KALRN: variants seen among roughly 807,000 people sequenced by gnomAD.
KALRN encodes kalirin RhoGEF kinase.
KALRN carries 70 observed loss-of-function variants against 353.7 expected under a neutral mutation model. That is an observed-to-expected ratio of 0.20 (90% confidence interval 0.16 to 0.24). The LOEUF (loss-of-function observed/expected upper bound fraction) is 0.24, where lower values mean the gene tolerates loss of function less well. Ranked by LOEUF, KALRN falls within the 10% of genes least tolerant of loss-of-function variation. The pLI, the probability that KALRN is intolerant of heterozygous loss-of-function variation, is 1.00. For synonymous variants in KALRN, 1,391 were observed against 1,434.8 expected (o/e 0.97, Z 0.69); for missense variants, 2,791 against 3,756.7 (o/e 0.74, Z 6.72).
chr3:124,489,261 C>T (rs867284276), intron 29 of KALRN, among the ~76,000 whole-genome samples: 1 of 152,004 alleles, frequency 6.6e-6, no homozygotes, highest in East Asian at 1.9e-4. Flanking sequence ...GAGCTGAGAT[C>T]GCACCACTGC....
At chr3:124,183,240 G>A (rs2150226611) in intron 1 of KALRN, among the ~76,000 whole-genome samples, 1 of 152,260 alleles carries the variant, frequency 6.6e-6, no homozygotes, top group South Asian at 2.1e-4. Flanking sequence ...ATAATTGCTG[G>A]TTAATTTATA....
chr3:124,158,987 A>G (rs2069459893), intron 1 of KALRN, among the ~76,000 whole-genome samples: 2 of 152,168 alleles, frequency 1.3e-5, no homozygotes, highest in Non-Finnish European at 2.9e-5. Flanking sequence ...TCAGGGCCCT[A>G]TAGGATCAGG....
chr3:124,605,882 C>T (rs772305594), intron 34 of KALRN, among the ~76,000 whole-genome samples: 2 of 152,152 alleles, frequency 1.3e-5, no homozygotes, highest in Admixed American at 1.3e-4. Flanking sequence ...ATCACCACCC[C>T]TTCCATTACA....
At chr3:124,166,222 T>C (rs2070827073) in intron 1 of KALRN, among the ~76,000 whole-genome samples, 1 of 152,206 alleles carries the variant, frequency 6.6e-6, no homozygotes, top group Admixed American at 6.5e-5. Context: ...TGTTGTTTTG[T>C]ACACATGATT....
Position 124,377,238 on chromosome 3 carries a change from T to C in KALRN, c.1771-7607T>C, listed in dbSNP as rs76702806. Among the ~76,000 whole-genome samples the C allele has an allele frequency of 2.5e-4, 38 of 152,336 alleles. No homozygotes were observed. In the East Asian group the frequency reaches 6.4e-3, roughly 25 times the overall value. On this transcript the variant is annotated intron_variant, in intron 10 of 59. Coordinates refer to ENST00000682506, the MANE Select transcript of KALRN (RefSeq NM_001388419.1). ...TCCCAATGCTTACAGATAATGTCGA[T>C]AAAGAACCTAACACAATGCATAGCA...
intron 1 of KALRN, among the ~76,000 whole-genome samples, chr3:124,098,482 C>T (rs1163042650): frequency 6.6e-6 from 1 of 152,212 alleles, no homozygotes; most frequent in Non-Finnish European, 1.5e-5. Flanking sequence ...ATGTCTCCAG[C>T]CTCCCTGGCC....
At chr3:124,236,197 C>G (rs1025209028) in intron 3 of KALRN, among the ~76,000 whole-genome samples, 1 of 151,524 alleles carries the variant, frequency 6.6e-6, no homozygotes, top group Non-Finnish European at 1.5e-5. Flanking sequence ...CATAAAAGGT[C>G]TTAAGCTTCA....
chr3:124,095,113 G>C (rs1287460910), intron 1 of KALRN, among the ~76,000 whole-genome samples: 1 of 152,158 alleles, frequency 6.6e-6, no homozygotes, highest in East Asian at 1.9e-4. Flanking sequence ...GGAATCGGGA[G>C]CACAGGGTCA....
chr3:124,343,454 C>A (rs2081976967), intron 9 of KALRN, among the ~76,000 whole-genome samples: 1 of 152,188 alleles, frequency 6.6e-6, no homozygotes, highest in African/African-American at 2.4e-5. Context: ...GCCACTGCAC[C>A]TAGTCAGTCA....
At position 124,490,732 on chromosome 3, in the gene KALRN, C is replaced by A. The variant is rs752921197; in HGVS notation, c.4435C>A (p.Leu1479Ile). The A allele has an allele frequency of 1.5e-5, 25 of 1,613,614 alleles. No individual in the cohort carries two copies. In the South Asian group the frequency reaches 2.7e-4, roughly 18 times the overall value. ...ENLDVQGELI[L>I]QDAFQVWDPK... ...CCTGGATGTGCAGGGGGAGTTGATT[C>A]TCCAGGATGCCTTTCAAGTGTGGGA... The change falls in exon 30 of 60, where the codon CTC becomes ATC. Residue 1479 changes from leucine to isoleucine, a missense_variant. Leu to Ile is a conservative substitution (Grantham distance 5, BLOSUM62 2). This residue lies in a region of KALRN where 239 missense variants were observed against 351.3 expected (regional missense o/e 0.68). Transcript: ENST00000682506.
At chr3:124,258,735 A>G (rs1329409466) in intron 3 of KALRN, among the ~76,000 whole-genome samples, 2 of 152,208 alleles carry the variant, frequency 1.3e-5, no homozygotes, top group Non-Finnish European at 2.9e-5. Flanking sequence ...TAACTTCCAG[A>G]CCATATATCA....
rs150289666 is a variant in KALRN, at chr3:124,524,139, G to A, written c.4935+27726G>A. On this transcript the variant is annotated intron_variant, in intron 33 of 59. Transcript: ENST00000682506. ...AAATCACATGGAGTCATAAACATCC[G>A]GATGTCTTCTCTATGTGGGTTACAG... Among the ~76,000 whole-genome samples, 775 of 152,238 alleles carry A rather than the reference G, an allele frequency of 5.1e-3. 3 individuals are homozygous for A. Among genetic ancestry groups the A allele is most frequent in the African/African-American group, 0.011 (450 of 41,532 alleles).
rs557921544 is a variant in KALRN at position 124,717,765 on chromosome 3, T to C, written c.8415+380T>C. On this transcript the variant is annotated intron_variant, in intron 59 of 59. Transcript: ENST00000682506. ...AGTCCAACTTACCAGTCATTACTCA[T>C]AAGGAATATAAATTCAAATTCATTT... Among the ~76,000 whole-genome samples the C allele has an allele frequency of 5.3e-5, 8 of 152,290 alleles. 1 individual carries two copies. Among genetic ancestry groups the C allele is most frequent in the Admixed American group, 5.2e-4 (8 of 15,300 alleles).
At chr3:124,258,324 C>T (rs7627530) in intron 3 of KALRN, among the ~76,000 whole-genome samples, 118 of 152,304 alleles carry the variant, frequency 7.7e-4, no homozygotes, top group African/African-American at 2.7e-3. Context: ...CTCAAGAGAC[C>T]GTGGCCTCTT....
chr3:124,342,393 A>G (rs1032602700), intron 9 of KALRN, among the ~76,000 whole-genome samples: 13 of 152,284 alleles, frequency 8.5e-5, no homozygotes, highest in African/African-American at 2.9e-4. Flanking sequence ...TTCCACATAT[A>G]AGTGAGAACA....
At chr3:124,193,440 A>T (rs2075130907) in intron 1 of KALRN, among the ~76,000 whole-genome samples, 2 of 147,910 alleles carry the variant, frequency 1.4e-5, no homozygotes, top group African/African-American at 5.0e-5. Flanking sequence ...TCCTGAATTG[A>T]ATCTAGTATG....
chr3:124,280,559 A>G (rs1229710038), intron 5 of KALRN, among the ~76,000 whole-genome samples: 1 of 152,102 alleles, frequency 6.6e-6, no homozygotes, highest in Non-Finnish European at 1.5e-5. Context: ...TTTCAAGTGG[A>G]TGAGGGGTAA....
intron 1 of KALRN, among the ~76,000 whole-genome samples, chr3:124,167,711 A>G (rs1351798095): frequency 2.6e-5 from 4 of 152,222 alleles, no homozygotes; most frequent in African/African-American, 9.6e-5. Flanking sequence ...ATTGCAGCAA[A>G]GTCTGGTTGG....
intron 49 of KALRN, 106 bp downstream of exon 49, chr3:124,674,720 T>C (rs1157644111): frequency 8.2e-7 from 1 of 1,216,994 alleles, no homozygotes; most frequent in African/African-American, 1.5e-5. Context: ...GAATTACTAC[T>C]GCTTATTCTC....
Sources: gnomAD v4.1 joint callset for allele counts (sites outside exome capture counted in the v4.1 genomes callset) on GRCh38, gnomAD v4.1.1 for gene constraint, gnomAD v4.1.1 regional missense constraint, MANE v1.5 for transcripts, NCBI Gene and HGNC (gene_info 2026-07-23, HGNC 2026-07-21) for gene names.